Variants in BCAR3 observed in about 807,000 individuals in gnomAD.
The protein encoded by BCAR3 is BCAR3 adaptor protein, NSP family member, also known as breast cancer anti-estrogen resistance protein 3.
Under a neutral mutation model 80.1 loss-of-function variants are expected in BCAR3, and 37 were observed. The observed-to-expected ratio is 0.46, with a 90% confidence interval of 0.36 to 0.61. The LOEUF (loss-of-function observed/expected upper bound fraction) is 0.61, where lower values mean the gene tolerates loss of function less well. Among genes scored for constraint, BCAR3 ranks in the 20% least tolerant of loss-of-function variants. BCAR3 has a pLI of 0.00. For synonymous variants in BCAR3, 389 were observed against 418.9 expected, an observed-to-expected ratio of 0.93 and a Z score of 0.87; for missense variants, 978 against 1,068.2, an observed-to-expected ratio of 0.92 and a Z score of 1.18.
At chr1:93,613,954 C>A in intron 3 of BCAR3, 2 of 1,550,058 alleles carry the variant, frequency 1.3e-6, no homozygotes, top group Non-Finnish European at 1.7e-6. Flanking sequence ...GTCCCGGGGA[C>A]CACACACTTT....
chr1:93,644,653 C>T (rs1416060636), intron 2 of BCAR3, among the ~76,000 whole-genome samples: 1 of 152,202 alleles, frequency 6.6e-6, no homozygotes, highest in Non-Finnish European at 1.5e-5. Context: ...AAATATTTTA[C>T]AGAGTTTGAC....
intron 3 of BCAR3, among the ~76,000 whole-genome samples, chr1:93,630,868 C>G (rs1369607475): frequency 6.6e-6 from 1 of 152,170 alleles, no homozygotes; most frequent in Non-Finnish European, 1.5e-5. Context: ...CCCGATCTTC[C>G]CATTTACTGT....
At chr1:93,708,151 C>G (rs1649889032) in intron 2 of BCAR3, among the ~76,000 whole-genome samples, 1 of 152,186 alleles carries the variant, frequency 6.6e-6, no homozygotes, top group African/African-American at 2.4e-5. Context: ...CCTTCTACTG[C>G]TCACTTATAT....
intron 9 of BCAR3, among the ~76,000 whole-genome samples, chr1:93,569,290 C>T (rs898973201): frequency 6.6e-6 from 1 of 152,196 alleles, no homozygotes; most frequent in Non-Finnish European, 1.5e-5. Flanking sequence ...GGTAACTGCC[C>T]AAGGCTTCCC....
At chr1:93,751,820 G>T (rs113948226) in intron 2 of BCAR3, among the ~76,000 whole-genome samples, 2 of 152,216 alleles carry the variant, frequency 1.3e-5, no homozygotes, top group East Asian at 1.9e-4. Flanking sequence ...ACACAAGGGC[G>T]TGTGGCTGGG....
chr1:93,831,491 T>C (rs561981718), intron 2 of BCAR3, among the ~76,000 whole-genome samples: 2 of 152,254 alleles, frequency 1.3e-5, no homozygotes, highest in South Asian at 4.1e-4. Context: ...ATCTAGATAA[T>C]TTTTGTCGAA....
intron 2 of BCAR3, among the ~76,000 whole-genome samples, chr1:93,780,861 C>G (rs1226973675): frequency 1.3e-5 from 2 of 152,210 alleles, no homozygotes; most frequent in Non-Finnish European, 2.9e-5. Flanking sequence ...AAAGTACTTT[C>G]ACATATTTTA....
At chr1:93,725,088 G>A (rs974954993) in intron 2 of BCAR3, among the ~76,000 whole-genome samples, 9 of 152,128 alleles carry the variant, frequency 5.9e-5, no homozygotes, top group Non-Finnish European at 1.0e-4. Flanking sequence ...AGCACTCGTC[G>A]CTTCCCACTA....
At chr1:93,721,968 A>G (rs1008644936) in intron 2 of BCAR3, among the ~76,000 whole-genome samples, 2 of 152,236 alleles carry the variant, frequency 1.3e-5, no homozygotes, top group African/African-American at 2.4e-5. Context: ...GTGCTCAGTA[A>G]TGACAACTAT....
chr1:93,700,142 C>T (rs1407724945), intron 3 of BCAR3, among the ~76,000 whole-genome samples: 1 of 152,198 alleles, frequency 6.6e-6, no homozygotes, highest in Non-Finnish European at 1.5e-5. Context: ...ATGCCAATTG[C>T]ACTTCACCCA....
chr1:93,665,430 C>A (rs372626979), intron 2 of BCAR3, among the ~76,000 whole-genome samples: 4 of 152,132 alleles, frequency 2.6e-5, no homozygotes, highest in Non-Finnish European at 5.9e-5. Flanking sequence ...GAACACCAAC[C>A]CTATCCAGAT....
intron 2 of BCAR3, among the ~76,000 whole-genome samples, chr1:93,718,948 C>T (rs1012257232): frequency 5.9e-5 from 9 of 151,714 alleles, no homozygotes; most frequent in South Asian, 4.2e-4. Flanking sequence ...GCAATCCGCC[C>T]GCCTCGGCCT....
At chr1:93,565,248 C>G (rs938969056) in intron 11 of BCAR3, among the ~76,000 whole-genome samples, 1 of 152,082 alleles carries the variant, frequency 6.6e-6, no homozygotes, top group Non-Finnish European at 1.5e-5. Flanking sequence ...GTATTTTTAA[C>G]AGAGACGGGG....
chr1:93,677,463 C>T (rs556185436), intron 1 of BCAR3, among the ~76,000 whole-genome samples: 7 of 152,124 alleles, frequency 4.6e-5, no homozygotes, highest in East Asian at 1.9e-4. Context: ...AGGGAAGGAC[C>T]GAACCCAGTC....
At chr1:93,625,607 C>G (rs928177938) in intron 3 of BCAR3, among the ~76,000 whole-genome samples, 2 of 152,160 alleles carry the variant, frequency 1.3e-5, no homozygotes, top group African/African-American at 4.8e-5. Flanking sequence ...CATCCACAGG[C>G]TAATAAATAT....
chr1:93,695,501 C>T (rs1649356464), intron 3 of BCAR3, among the ~76,000 whole-genome samples: 1 of 152,150 alleles, frequency 6.6e-6, no homozygotes, highest in Non-Finnish European at 1.5e-5. Context: ...CATTCCCATC[C>T]CACTCTATCA....
chr1:93,694,183 T>A (rs1045018028), intron 3 of BCAR3, among the ~76,000 whole-genome samples: 2 of 152,230 alleles, frequency 1.3e-5, no homozygotes, highest in Non-Finnish European at 2.9e-5. Flanking sequence ...CGGTAAGGGA[T>A]GCTCACAGAG....
At chr1:93,764,464 C>T (rs1197014545) in intron 2 of BCAR3, among the ~76,000 whole-genome samples, 4 of 152,132 alleles carry the variant, frequency 2.6e-5, no homozygotes, top group African/African-American at 7.2e-5. Flanking sequence ...TCTCCCACCC[C>T]AGCCCAGGCA....
intron 2 of BCAR3, among the ~76,000 whole-genome samples, chr1:93,763,095 C>T (rs1197826360): frequency 1.3e-5 from 2 of 152,128 alleles, no homozygotes; most frequent in Non-Finnish European, 2.9e-5. Flanking sequence ...TTTTTTGAGA[C>T]AGGGTCTTGC....
Sources: allele counts gnomAD v4.1 joint callset (sites outside exome capture counted in the v4.1 genomes callset), GRCh38; gene constraint gnomAD v4.1.1; transcripts MANE v1.5; gene names NCBI Gene and HGNC (gene_info 2026-07-23, HGNC 2026-07-21).